Variants in BCAS3 observed in about 807,000 individuals in gnomAD.
BCAS3 encodes the protein BCAS3 microtubule associated cell migration factor.
Under a neutral mutation model 116.1 loss-of-function variants are expected in BCAS3, and 53 were observed. That is an observed-to-expected ratio of 0.46 (90% CI 0.37 to 0.57). The LOEUF is 0.57. Ranked by LOEUF, BCAS3 falls within the 20% of genes least tolerant of loss-of-function variation. The pLI, the probability that BCAS3 is intolerant of heterozygous loss-of-function variation, is 0.00. For synonymous variants in BCAS3, 391 were observed against 408.2 expected (o/e 0.96, Z 0.51); for missense variants, 917 against 1,165.4 (o/e 0.79, Z 3.10).
At chr17:60,881,123 C>T (rs928422385) in intron 9 of BCAS3, among the ~76,000 whole-genome samples, 7 of 152,172 alleles carry the variant, frequency 4.6e-5, no homozygotes, top group Non-Finnish European at 8.8e-5. Context: ...TACAGGCGCC[C>T]GCCACCACAC....
intron 22 of BCAS3, among the ~76,000 whole-genome samples, chr17:61,175,222 C>T (rs900067259): frequency 6.6e-6 from 1 of 152,112 alleles, no homozygotes; most frequent in South Asian, 2.1e-4. Flanking sequence ...ACCTGAGCAA[C>T]TTAGTGAGAC....
intron 4 of BCAS3, among the ~76,000 whole-genome samples, chr17:60,706,353 C>T (rs376803686): frequency 9.2e-5 from 14 of 152,170 alleles, no homozygotes; most frequent in South Asian, 8.3e-4. Flanking sequence ...CCTGAGCTAC[C>T]GCACCCAGCA....
chr17:60,716,285 A>G (rs2038598620), intron 5 of BCAS3, among the ~76,000 whole-genome samples: 1 of 152,228 alleles, frequency 6.6e-6, no homozygotes, highest in African/African-American at 2.4e-5. Flanking sequence ...TTAAATAAAA[A>G]TAAATGGATA....
At chr17:60,711,333 ATTTGGCAGTGTT>A (rs998161580) in intron 5 of BCAS3, among the ~76,000 whole-genome samples, 4 of 152,040 alleles carry the variant, frequency 2.6e-5, no homozygotes, top group African/African-American at 9.7e-5. Context: ...AGTACTTAAA[ATTTGGCAGTGTT>A]TTTTTTTCTT....
chr17:61,313,454 CTCCTCTCTGAGAGCGGG>C lies in BCAS3; in HGVS notation c.2426-54871_2426-54855del, dbSNP rs2054486533. ...GGAGCCTAAGGAATAGCCCAGTTGGCTCCTCTCTGAGAGCGGGTAAGAGTAGAAAAGAATTGCTGATC... is the reference window on the plus strand; with the variant it reads ...GGAGCCTAAGGAATAGCCCAGTTGGCTAAGAGTAGAAAAGAATTGCTGATC... On this transcript the variant is annotated intron_variant, in intron 22 of 23. Transcript: ENST00000407086. This position sits in a 1 kb window ranked among gnomAD's most constrained non-coding sequence, Gnocchi z 4.3. 6.6e-6 allele frequency among the ~76,000 whole-genome samples: 1 copy of C among 152,234 alleles called. No homozygotes were observed. Among genetic ancestry groups the C allele is most frequent in the African/African-American group, 2.4e-5 (1 of 41,464 alleles).
intron 19 of BCAS3, among the ~76,000 whole-genome samples, chr17:61,059,267 A>G (rs1159961096): frequency 6.6e-6 from 1 of 151,340 alleles, no homozygotes; most frequent in Non-Finnish European, 1.5e-5. Context: ...TATTTTTAGT[A>G]GAGATGGGGT....
chr17:61,191,503 C>T (rs1243167338), intron 22 of BCAS3, among the ~76,000 whole-genome samples: 5 of 152,036 alleles, frequency 3.3e-5, no homozygotes, highest in African/African-American at 4.8e-5. Flanking sequence ...AGGCCAGGCG[C>T]GGTGGCTCAC....
intron 2 of BCAS3, among the ~76,000 whole-genome samples, chr17:60,682,977 A>G (rs1206921122): frequency 6.6e-6 from 1 of 151,818 alleles, no homozygotes; most frequent in Non-Finnish European, 1.5e-5. Flanking sequence ...GGGTCTTGCT[A>G]TGTTGCCTAG....
chr17:61,152,056 C>T (rs983035927), intron 22 of BCAS3, among the ~76,000 whole-genome samples: 2 of 152,116 alleles, frequency 1.3e-5, no homozygotes, highest in African/African-American at 4.8e-5. Context: ...TTCATGGTCT[C>T]GCTGACTTCA....
rs996364518 is a variant in BCAS3, at chr17:61,302,815, C to T, written c.2426-65512C>T. On this transcript the variant is annotated intron_variant, in intron 22 of 23. Coordinates refer to ENST00000407086, the MANE Select transcript of BCAS3 (RefSeq NM_017679.5). The surrounding 1 kb of genome is among the most constrained non-coding windows in gnomAD (Gnocchi z 4.4). ...GTAGTTCAGACTTTGTAGAGAAAGG[C>T]AGTGAGACGGAACAGTTCTGGCCAT... 3.3e-5 allele frequency among the ~76,000 whole-genome samples: 5 copies of T among 152,270 alleles called. No homozygotes were observed. The East Asian group carries it at 9.6e-4, about 29-fold the overall frequency.
At chr17:60,856,703 A>G (rs1051102505) in intron 7 of BCAS3, among the ~76,000 whole-genome samples, 1 of 152,138 alleles carries the variant, frequency 6.6e-6, no homozygotes, top group African/African-American at 2.4e-5. Flanking sequence ...AAAATAAAAA[A>G]AAAATTATAG....
In BCAS3 at chr17:61,073,367, A is replaced by G. The variant is rs1316820064; in HGVS notation, c.2030-1553A>G. Among the ~76,000 whole-genome samples, 1 of 152,224 alleles carries G rather than the reference A, an allele frequency of 6.6e-6. No individual in the cohort carries two copies. Among genetic ancestry groups the G allele is most frequent in the Non-Finnish European group, 1.5e-5 (1 of 68,036 alleles). ...ACTGAATTAGCATTTCTCCTCTTGC[A>G]GCAAGTTAAGATAAGCTTTTTGTGA... On this transcript the variant is annotated intron_variant, in intron 19 of 23. Coordinates refer to ENST00000407086, the MANE Select transcript of BCAS3 (RefSeq NM_017679.5). This position sits in a 1 kb window ranked among gnomAD's most constrained non-coding sequence, Gnocchi z 4.6.
chr17:60,946,763 T>A (rs1368821874), intron 13 of BCAS3, among the ~76,000 whole-genome samples: 1 of 151,758 alleles, frequency 6.6e-6, no homozygotes, highest in Non-Finnish European at 1.5e-5. Context: ...AAAAGAAAAT[T>A]AGCCAAGCAT....
intron 7 of BCAS3, among the ~76,000 whole-genome samples, chr17:60,856,862 G>A (rs753956130): frequency 7.9e-5 from 12 of 152,004 alleles, no homozygotes; most frequent in Admixed American, 6.6e-5. Context: ...AATAAAAGAA[G>A]CATTTTTTGA....
chr17:60,915,792 C>T (rs549690327), intron 12 of BCAS3, among the ~76,000 whole-genome samples: 1 of 151,792 alleles, frequency 6.6e-6, no homozygotes, highest in Admixed American at 6.6e-5. Flanking sequence ...ATGCCATTCT[C>T]CTGTCTCAGC....
intron 5 of BCAS3, among the ~76,000 whole-genome samples, chr17:60,743,718 C>G (rs930865219): frequency 6.6e-6 from 1 of 152,072 alleles, no homozygotes; most frequent in African/African-American, 2.4e-5. Context: ...ATTCTGAGGG[C>G]AAGATAACCT....
intron 5 of BCAS3, among the ~76,000 whole-genome samples, chr17:60,744,714 G>A (rs559446787): frequency 6.8e-4 from 95 of 140,174 alleles, no homozygotes; most frequent in African/African-American, 2.5e-3. Flanking sequence ...CCCCACCCCC[G>A]AGTTATAATT....
intron 12 of BCAS3, among the ~76,000 whole-genome samples, chr17:60,916,116 T>A (rs905464995): frequency 6.6e-6 from 1 of 152,206 alleles, no homozygotes; most frequent in Non-Finnish European, 1.5e-5. Context: ...GTCGTGATCA[T>A]TTGTGTAAAG....
At chr17:61,334,761 G>T (rs562829159) in intron 22 of BCAS3, among the ~76,000 whole-genome samples, 3 of 151,670 alleles carry the variant, frequency 2.0e-5, no homozygotes, top group Non-Finnish European at 4.4e-5. Context: ...GGGCAAAGGA[G>T]CCACGACAAA....
Sources: gnomAD v4.1 joint callset for allele counts (sites outside exome capture counted in the v4.1 genomes callset) on GRCh38, gnomAD v4.1.1 for gene constraint, Gnocchi (gnomAD v3.1) non-coding constraint, MANE v1.5 for transcripts, NCBI Gene and HGNC (gene_info 2026-07-23, HGNC 2026-07-21) for gene names.